ARPP21: variants seen among roughly 807,000 people sequenced by gnomAD.
ARPP21 encodes the protein cAMP regulated phosphoprotein 21, also known as cAMP-regulated phosphoprotein 21.
In ARPP21, 69 loss-of-function variants were observed where a neutral mutation model predicts 113.2. The ratio of observed to expected loss-of-function variants is 0.61; its 90% confidence interval spans 0.50 to 0.74. The LOEUF is 0.74. Among genes scored for constraint, ARPP21 ranks in the 30% least tolerant of loss-of-function variants. The pLI is 0.00. For missense variants in ARPP21, 1,070 were observed against 1,037.4 expected, an observed-to-expected ratio of 1.03 and a Z score of -0.43; for synonymous variants, 368 against 375.5, an observed-to-expected ratio of 0.98 and a Z score of 0.23.
intron 19 of ARPP21, among the ~76,000 whole-genome samples, chr3:35,776,406 T>A (rs915792023): frequency 3.3e-5 from 5 of 152,140 alleles, no homozygotes; most frequent in Admixed American, 2.0e-4. Flanking sequence ...AAGCCCTTCA[T>A]GACAGCAGCT....
chr3:35,721,005 T>A (rs929574070), intron 13 of ARPP21, among the ~76,000 whole-genome samples: 1 of 152,230 alleles, frequency 6.6e-6, no homozygotes, highest in African/African-American at 2.4e-5. Flanking sequence ...AAGGTTAAAC[T>A]CAGTGGGCAA....
chr3:35,700,257 A>G (rs1430236225), intron 9 of ARPP21, among the ~76,000 whole-genome samples: 1 of 151,802 alleles, frequency 6.6e-6, no homozygotes, highest in East Asian at 1.9e-4. Flanking sequence ...TAAGATGCAG[A>G]GCTGAAAAGA....
intron 12 of ARPP21, among the ~76,000 whole-genome samples, chr3:35,716,060 GGGTT>G (rs2092347502): frequency 6.6e-6 from 1 of 151,946 alleles, no homozygotes; most frequent in African/African-American, 2.4e-5. Flanking sequence ...TAAAATAAAT[GGGTT>G]ATAAAATTTA....
intron 1 of ARPP21, among the ~76,000 whole-genome samples, chr3:35,648,297 G>T (rs577413618): frequency 3.5e-4 from 54 of 152,288 alleles, no homozygotes; most frequent in Non-Finnish European, 6.0e-4. Context: ...GAACATTTTA[G>T]TTGTGTAATT....
At chr3:35,677,566 C>T (rs1240613160) in intron 1 of ARPP21, among the ~76,000 whole-genome samples, 2 of 151,824 alleles carry the variant, frequency 1.3e-5, no homozygotes, top group African/African-American at 4.8e-5. Flanking sequence ...CTATTGACAA[C>T]CTTCTCTAAA....
chr3:35,728,610 G>A (rs1264268913), intron 14 of ARPP21, among the ~76,000 whole-genome samples: 1 of 151,350 alleles, frequency 6.6e-6, no homozygotes, highest in Non-Finnish European at 1.5e-5. Flanking sequence ...AGTTGCCTCT[G>A]GTCAGATGGT....
Position 35,743,957 on chromosome 3 carries a change from A to G in ARPP21, c.2129A>G (p.Gln710Arg), listed in dbSNP as rs978149437. 4.3e-6 allele frequency: 7 copies of G among 1,614,052 alleles called. No homozygotes were observed. Among genetic ancestry groups the G allele is most frequent in the Admixed American group, 1.7e-5 (1 of 60,006 alleles). The part of the protein sequence containing the change: ...QRSQQMPQAA[Q>R]QAGYQPVLSG... Reference sequence around the variant, plus strand: ...AGTCAACAGATGCCACAGGCAGCACAGCAAGCAGGTACTTGGAATCTGTTT... The same window carrying G: ...AGTCAACAGATGCCACAGGCAGCACGGCAAGCAGGTACTTGGAATCTGTTT... Residue 710 changes from glutamine (Q) to arginine (R), a missense_variant, in exon 19 of 21, where the codon CAG (glutamine) becomes CGG (arginine). Transcript: ENST00000684406.
At chr3:35,684,940 G>A (rs1419715142) in intron 5 of ARPP21, 1 of 984,638 alleles carries the variant, frequency 1.0e-6, no homozygotes, top group South Asian at 4.7e-5. Flanking sequence ...CTTTCCTTCA[G>A]CATTTTATTT....
rs867870561 is a variant in ARPP21, at chr3:35,752,762, T to C, written c.2137+8797T>C. Among the ~76,000 whole-genome samples, 42 of 152,168 alleles carry C rather than the reference T, an allele frequency of 2.8e-4. No homozygotes were observed. The Middle Eastern group carries it at 0.01, about 37-fold the overall frequency. On this transcript the variant is annotated intron_variant, in intron 19 of 20. Coordinates refer to ENST00000684406, the MANE Select transcript of ARPP21 (RefSeq NM_001385562.1). Reference sequence around the variant, plus strand: ...AAGCAATGTAATAAATAGTACATTTTTATTCATTGCCAGCTCATATACAAG... The same window carrying C: ...AAGCAATGTAATAAATAGTACATTTCTATTCATTGCCAGCTCATATACAAG...
intron 15 of ARPP21, among the ~76,000 whole-genome samples, chr3:35,734,809 T>C (rs962792903): frequency 6.6e-6 from 1 of 152,228 alleles, no homozygotes; most frequent in Non-Finnish European, 1.5e-5. Context: ...TTTATTGAGC[T>C]ATACAATATA....
chr3:35,645,542 A>C (rs1387614362), intron 1 of ARPP21, among the ~76,000 whole-genome samples: 1 of 151,894 alleles, frequency 6.6e-6, no homozygotes, highest in Non-Finnish European at 1.5e-5. Flanking sequence ...AAATTCACAA[A>C]GCATATCTAC....
intron 13 of ARPP21, among the ~76,000 whole-genome samples, chr3:35,718,010 A>G (rs1271912403): frequency 1.3e-5 from 2 of 152,286 alleles, no homozygotes; most frequent in South Asian, 2.1e-4. Flanking sequence ...ACACAGTACT[A>G]TAAGTATACT....
At chr3:35,675,853 C>A (rs1218374280) in intron 1 of ARPP21, among the ~76,000 whole-genome samples, 1 of 151,570 alleles carries the variant, frequency 6.6e-6, no homozygotes, top group Non-Finnish European at 1.5e-5. Context: ...TTAGTAGGTA[C>A]TGGTGTGAGT....
At chr3:35,740,038 C>A (rs1212734971) in intron 18 of ARPP21, among the ~76,000 whole-genome samples, 1 of 152,216 alleles carries the variant, frequency 6.6e-6, no homozygotes, top group Non-Finnish European at 1.5e-5. Flanking sequence ...CAGGCAGGAG[C>A]TCCTCTATGA....
chr3:35,643,953 T>G (rs1032625434), intron 1 of ARPP21: 1 of 152,018 alleles, frequency 6.6e-6, no homozygotes, highest in South Asian at 2.1e-4. Context: ...CTGAATATAT[T>G]TTAAGTCAGC....
intron 8 of ARPP21, 32 bp from the exon 9 acceptor site, chr3:35,690,833 C>T (rs756183039): frequency 6.4e-7 from 1 of 1,573,242 alleles, no homozygotes; most frequent in Middle Eastern, 1.7e-4. Context: ...AATGAAAATG[C>T]TGATTCCACT....
chr3:35,649,857 G>C (rs76176962), intron 1 of ARPP21, among the ~76,000 whole-genome samples: 2 of 152,048 alleles, frequency 1.3e-5, no homozygotes, highest in African/African-American at 4.8e-5. Flanking sequence ...CTGAATTCAC[G>C]TTTTACCCGA....
chr3:35,787,902 G>C (rs775191231), intron 19 of ARPP21, among the ~76,000 whole-genome samples: 1 of 152,126 alleles, frequency 6.6e-6, no homozygotes, highest in Non-Finnish European at 1.5e-5. Context: ...ACAATTCCTC[G>C]TAATAGCTCT....
chr3:35,684,660 T>A (rs937109276), intron 5 of ARPP21: 1 of 985,300 alleles, frequency 1.0e-6, no homozygotes, highest in African/African-American at 1.7e-5. Context: ...ATCATTATTT[T>A]TGTTTGGTTT....
Sources: allele counts gnomAD v4.1 joint callset (sites outside exome capture counted in the v4.1 genomes callset), GRCh38; gene constraint gnomAD v4.1.1; transcripts MANE v1.5; gene names NCBI Gene and HGNC (gene_info 2026-07-23, HGNC 2026-07-21).